The following CMTM6 variants were observed in gnomAD, a reference collection of about 807,000 sequenced individuals.
The protein encoded by CMTM6 is CKLF-like MARVEL transmembrane domain-containing protein 6.
CMTM6 carries 5 observed loss-of-function variants against 13.6 expected under a neutral mutation model. The ratio of observed to expected loss-of-function variants is 0.37; its 90% confidence interval spans 0.19 to 0.77. CMTM6 has a LOEUF of 0.77. CMTM6 is among the 30% of genes least tolerant of loss of function. The pLI is 0.50. For synonymous variants in CMTM6, 99 were observed against 84.5 expected (o/e 1.17, Z -0.94); for missense variants, 196 against 218.6 (o/e 0.90, Z 0.65).
chr3:32,483,948 T>C lies in CMTM6; in HGVS notation c.*12A>G. 2.5e-6 allele frequency: 4 copies of C among 1,579,412 alleles called. No individual in the cohort carries two copies. The South Asian group carries it at 4.7e-5, about 18-fold the overall frequency. ...GGTCACTACCTTAGGTAACATCTGCTCCCCAGAGTCTTTAGGCATTAAGTG... is the reference window on the plus strand; with the variant it reads ...GGTCACTACCTTAGGTAACATCTGCCCCCCAGAGTCTTTAGGCATTAAGTG... On this transcript the variant is annotated 3_prime_UTR_variant, in exon 4 of 4. Transcript: ENST00000205636.
chr3:32,493,964 T>C (rs773711853), intron 1 of CMTM6, among the ~76,000 whole-genome samples: 1 of 152,026 alleles, frequency 6.6e-6, no homozygotes, highest in Admixed American at 6.6e-5. Context: ...AGAGACAGCA[T>C]AGGCAATAAG....
At chr3:32,489,318 T>G (rs1482660481) in intron 2 of CMTM6, among the ~76,000 whole-genome samples, 7 of 147,864 alleles carry the variant, frequency 4.7e-5, no homozygotes, top group Admixed American at 2.7e-4. Context: ...ACAGAATTCC[T>G]AAATTGTCAA....
At position 32,492,174 on chromosome 3, in the gene CMTM6, G is replaced by A. The variant is rs375537787; in HGVS notation, c.139-288C>T. ...GGAGAGACGCTCAACTGCGGGGTCA[G>A]GAAAGGCTTCCTGAAGGAGAAAGCT... On this transcript the variant is annotated intron_variant, in intron 1 of 3. Coordinates refer to ENST00000205636, the MANE Select transcript of CMTM6 (RefSeq NM_017801.3). 2.5e-3 allele frequency among the ~76,000 whole-genome samples: 375 copies of A among 152,280 alleles called. 1 individual carries two copies. The highest frequency in any genetic ancestry group is 4.1e-3 in the Non-Finnish European group (280 of 68,016).
At position 32,483,806 on chromosome 3, in the gene CMTM6, G is replaced by T; in HGVS notation, c.*154C>A. On this transcript the variant is annotated 3_prime_UTR_variant, in exon 4 of 4. Transcript: ENST00000205636. ...TTATCTGGCCTACTTTGTGGTGACTGACACAATATTGATAAAACTGCCTTC... is the reference window on the plus strand; with the variant it reads ...TTATCTGGCCTACTTTGTGGTGACTTACACAATATTGATAAAACTGCCTTC... 1 of 705,492 alleles carries T rather than the reference G, an allele frequency of 1.4e-6. No homozygotes were observed. The allele number at this position is 705,492 out of a possible 1,614,324, so 43.7% of individuals were successfully genotyped here.
chr3:32,494,747 A>T (rs552649974), intron 1 of CMTM6, among the ~76,000 whole-genome samples: 1 of 152,308 alleles, frequency 6.6e-6, no homozygotes, highest in East Asian at 1.9e-4. Flanking sequence ...GGAAAAAAAA[A>T]ATCCAATCTC....
rs1009841242 is a variant in CMTM6 at position 32,483,799 on chromosome 3, G to T, written c.*161C>A. 1.7e-5 allele frequency: 11 copies of T among 635,818 alleles called. No homozygotes were observed. The African/African-American group carries it at 2.1e-4, about 12-fold the overall frequency. 39.4% of individuals were successfully genotyped at this position (635,818 alleles called of 1,614,324 possible). On this transcript the variant is annotated 3_prime_UTR_variant, in exon 4 of 4. Transcript: ENST00000205636. Reference sequence around the variant, plus strand: ...TTTTAACTTATCTGGCCTACTTTGTGGTGACTGACACAATATTGATAAAAC... The same window carrying T: ...TTTTAACTTATCTGGCCTACTTTGTTGTGACTGACACAATATTGATAAAAC...
chr3:32,490,594 C>G (rs1697242372), intron 2 of CMTM6, among the ~76,000 whole-genome samples: 1 of 152,050 alleles, frequency 6.6e-6, no homozygotes, highest in South Asian at 2.1e-4. Context: ...TCTAAAATGA[C>G]TTTTTAAATG....
chr3:32,486,286 C>T (rs923886438), intron 3 of CMTM6, among the ~76,000 whole-genome samples: 1 of 152,200 alleles, frequency 6.6e-6, no homozygotes, highest in African/African-American at 2.4e-5. Context: ...AGCACTGCTA[C>T]CAGTCCAAGG....
chr3:32,491,917 T>G, intron 1 of CMTM6, 31 bp from the exon 2 acceptor site: 1 of 1,557,524 alleles, frequency 6.4e-7, no homozygotes, highest in Non-Finnish European at 8.7e-7. Context: ...TTTACTTAAG[T>G]GTTTTTTCAG....
intron 1 of CMTM6, among the ~76,000 whole-genome samples, chr3:32,498,829 C>T (rs567409749): frequency 1.3e-4 from 20 of 151,832 alleles, no homozygotes; most frequent in Non-Finnish European, 2.2e-4. Context: ...CCGCTCACCT[C>T]GGCCTCCCAA....
chr3:32,501,247 C>CT lies in CMTM6; in HGVS notation c.138+1360dup, dbSNP rs1166473069. ...TTCTTTTCTGTTCTAAAGAGTTCTA[C>CT]TATTCACGTAGAAAATTTTAGCTTT... On this transcript the variant is annotated intron_variant, in intron 1 of 3. Transcript: ENST00000205636. Among the ~76,000 whole-genome samples the CT allele has an allele frequency of 6.0e-5, 9 of 149,366 alleles. No homozygotes were observed. The East Asian group carries it at 1.8e-3, about 30-fold the overall frequency.
chr3:32,495,680 A>T (rs549882970), intron 1 of CMTM6, among the ~76,000 whole-genome samples: 1 of 152,326 alleles, frequency 6.6e-6, no homozygotes, highest in African/African-American at 2.4e-5. Context: ...ATAAAAGGTT[A>T]TCTGTAGGAC....
At chr3:32,499,626 C>T (rs1410369383) in intron 1 of CMTM6, among the ~76,000 whole-genome samples, 1 of 152,138 alleles carries the variant, frequency 6.6e-6, no homozygotes, top group African/African-American at 2.4e-5. Context: ...TGAAAAACTG[C>T]ATAAAGTTAG....
At position 32,502,804 on chromosome 3, in the gene CMTM6, C is replaced by A; in HGVS notation, c.-59G>T. On this transcript the variant is annotated 5_prime_UTR_variant, in exon 1 of 4. Transcript: ENST00000205636. ...ACCGCGCCGTTGACTTCTCGGACTC[C>A]AGAAGTCCCCGGTAGCCGGGAGGCG... is the stretch of plus-strand genomic sequence containing the variant. 7.3e-7 allele frequency: 1 copy of A among 1,369,940 alleles called. No homozygotes were observed. The highest frequency in any genetic ancestry group is 3.1e-5 in the East Asian group (1 of 32,706). 84.9% of individuals were successfully genotyped at this position (1,369,940 alleles called of 1,614,324 possible).
intron 3 of CMTM6, among the ~76,000 whole-genome samples, chr3:32,485,401 A>G (rs560933578): frequency 3.5e-4 from 54 of 152,232 alleles, no homozygotes; most frequent in African/African-American, 1.3e-3. Context: ...TTAAAATATA[A>G]AAATTTTTTT....
chr3:32,481,812 G>T lies in CMTM6; in HGVS notation c.*2148C>A, dbSNP rs992834675. On this transcript the variant is annotated 3_prime_UTR_variant, in exon 4 of 4. Coordinates refer to ENST00000205636, the MANE Select transcript of CMTM6 (RefSeq NM_017801.3). The stretch of plus-strand genomic sequence containing the variant: ...GTGAACATACTATCTTTCTGAAAAA[G>T]AAAGAATTAAGTGACCAACTAAGAG... The T allele has an allele frequency of 6.6e-6, 1 of 152,204 alleles. No homozygotes were observed. The highest frequency in any genetic ancestry group is 1.5e-5 in the Non-Finnish European group (1 of 68,022). 9.4% of individuals were successfully genotyped at this position (152,204 alleles called of 1,614,324 possible).
intron 1 of CMTM6, among the ~76,000 whole-genome samples, chr3:32,497,382 C>CA (rs144445988): frequency 0.047 from 2,475 of 53,206 alleles, 24 homozygotes; most frequent in Middle Eastern, 0.054. Context: ...GACTCTGTCT[C>CA]AAAAAAAAAA....
intron 1 of CMTM6, among the ~76,000 whole-genome samples, chr3:32,500,094 A>G (rs1463974539): frequency 1.3e-5 from 2 of 152,224 alleles, no homozygotes; most frequent in South Asian, 2.1e-4. Flanking sequence ...ACTCAAACAT[A>G]TAAGTGTACA....
At chr3:32,493,232 T>C (rs185981159) in intron 1 of CMTM6, among the ~76,000 whole-genome samples, 83 of 152,342 alleles carry the variant, frequency 5.4e-4, no homozygotes, top group Admixed American at 2.4e-3. Context: ...GCTAATGAGA[T>C]GCCTACTGGC....
Sources: gnomAD v4.1 joint callset for allele counts (sites outside exome capture counted in the v4.1 genomes callset) on GRCh38, gnomAD v4.1.1 for gene constraint, MANE v1.5 for transcripts, NCBI Gene and HGNC (gene_info 2026-07-23, HGNC 2026-07-21) for gene names.